RIMBP2: variants seen among roughly 807,000 people sequenced by gnomAD.
RIMBP2 encodes RIMS-binding protein 2.
Under a neutral mutation model 118.6 loss-of-function variants are expected in RIMBP2, and 48 were observed. The observed-to-expected ratio is 0.40, with a 90% CI of 0.32 to 0.51. The LOEUF (loss-of-function observed/expected upper bound fraction) is 0.51, where lower values mean the gene tolerates loss of function less well. RIMBP2 is among the 20% of genes least tolerant of loss of function. The pLI, the probability that RIMBP2 is intolerant of heterozygous loss-of-function variation, is 0.41. For synonymous variants in RIMBP2, 762 were observed against 742.9 expected, an observed-to-expected ratio of 1.03 and a Z score of -0.42; for missense variants, 1,551 against 1,768.3, an observed-to-expected ratio of 0.88 and a Z score of 2.20.
intron 5 of RIMBP2, among the ~76,000 whole-genome samples, chr12:130,476,761 G>A (rs1332440959): frequency 1.3e-5 from 2 of 152,190 alleles, no homozygotes; most frequent in African/African-American, 2.4e-5. Context: ...GGGCTTACTC[G>A]CTTTTTCACT....
chr12:130,453,244 C>T (rs2079145456), intron 7 of RIMBP2, among the ~76,000 whole-genome samples: 1 of 152,226 alleles, frequency 6.6e-6, no homozygotes, highest in South Asian at 2.1e-4. Context: ...ATACTGACTG[C>T]AGCGCCTCAC....
intron 4 of RIMBP2, among the ~76,000 whole-genome samples, chr12:130,491,943 A>T (rs1194120423): frequency 2.0e-5 from 3 of 152,240 alleles, no homozygotes; most frequent in Admixed American, 6.5e-5. Context: ...CCGCTATCCC[A>T]GGGAAAAGCT....
intron 1 of RIMBP2, among the ~76,000 whole-genome samples, chr12:130,701,687 C>T (rs1881062): frequency 0.29 from 43,880 of 151,890 alleles, 7,226 homozygotes; most frequent in African/African-American, 0.43. Context: ...GGACACAAAT[C>T]GCTCCTGCTT....
At chr12:130,704,844 C>G (rs1329375508) in intron 1 of RIMBP2, among the ~76,000 whole-genome samples, 1 of 152,184 alleles carries the variant, frequency 6.6e-6, no homozygotes, top group Non-Finnish European at 1.5e-5. Flanking sequence ...TCGCTGCTCT[C>G]TAGCTATGTG....
intron 1 of RIMBP2, among the ~76,000 whole-genome samples, chr12:130,638,423 G>A (rs2062447428): frequency 1.3e-5 from 2 of 152,206 alleles, no homozygotes; most frequent in East Asian, 1.9e-4. Flanking sequence ...GGGTCCCGAA[G>A]CCCCGAGCTG....
intron 3 of RIMBP2, among the ~76,000 whole-genome samples, chr12:130,508,306 GA>G (rs1267489296): frequency 6.6e-6 from 1 of 151,760 alleles, no homozygotes; most frequent in African/African-American, 2.4e-5. Context: ...CTCCCTGCTT[GA>G]AACCTTCTGT....
chr12:130,508,579 G>A (rs974031317), intron 3 of RIMBP2, among the ~76,000 whole-genome samples: 16 of 151,766 alleles, frequency 1.1e-4, no homozygotes, highest in Non-Finnish European at 1.9e-4. Flanking sequence ...ACCCTTGCAA[G>A]GTGACGAAAC....
intron 6 of RIMBP2, among the ~76,000 whole-genome samples, chr12:130,458,400 C>A (rs995092766): frequency 3.3e-5 from 5 of 152,250 alleles, no homozygotes; most frequent in African/African-American, 7.2e-5. Context: ...ACAGCTCCGA[C>A]CCCAAATGTG....
At chr12:130,602,890 G>A (rs546454288) in intron 2 of RIMBP2, among the ~76,000 whole-genome samples, 28 of 152,272 alleles carry the variant, frequency 1.8e-4, no homozygotes, top group Non-Finnish European at 2.8e-4. Context: ...AATTCACCCT[G>A]CAAGGGGTCT....
intron 4 of RIMBP2, among the ~76,000 whole-genome samples, chr12:130,506,267 G>A (rs1350393507): frequency 1.3e-5 from 2 of 152,038 alleles, no homozygotes; most frequent in African/African-American, 2.4e-5. Flanking sequence ...TATAACAAAG[G>A]TCATTAAACG....
intron 4 of RIMBP2, among the ~76,000 whole-genome samples, chr12:130,488,055 G>A (rs1022009645): frequency 3.9e-5 from 6 of 152,190 alleles, no homozygotes; most frequent in African/African-American, 1.4e-4. Context: ...CATTTTCTAA[G>A]TGGAATTAAA....
chr12:130,530,459 C>T (rs567723725), intron 2 of RIMBP2, among the ~76,000 whole-genome samples: 3 of 150,984 alleles, frequency 2.0e-5, no homozygotes, highest in African/African-American at 7.3e-5. Flanking sequence ...AATATTTATA[C>T]AATAAGGCAG....
chr12:130,700,676 C>T (rs532248990), intron 1 of RIMBP2, among the ~76,000 whole-genome samples: 16 of 152,352 alleles, frequency 1.1e-4, no homozygotes, highest in African/African-American at 3.1e-4. Flanking sequence ...GCCCTGCCAG[C>T]GCCTGGATCT....
At chr12:130,526,339 T>C (rs1260428253) in intron 2 of RIMBP2, among the ~76,000 whole-genome samples, 1 of 152,100 alleles carries the variant, frequency 6.6e-6, no homozygotes, top group Non-Finnish European at 1.5e-5. Context: ...TGAAAGACAA[T>C]GAAAGGTAAC....
chr12:130,471,424 A>T (rs2080993668), intron 5 of RIMBP2, among the ~76,000 whole-genome samples: 1 of 152,244 alleles, frequency 6.6e-6, no homozygotes, highest in African/African-American at 2.4e-5. Flanking sequence ...AAGTCCCAGC[A>T]TCATCATGAT....
At chr12:130,456,180 C>T (rs11060899) in intron 7 of RIMBP2, among the ~76,000 whole-genome samples, 48,251 of 152,118 alleles carry the variant, frequency 0.32, 7,972 homozygotes, top group Non-Finnish European at 0.34. Context: ...CTCCTGGGTT[C>T]AAATCCCAGA....
chr12:130,502,997 G>A (rs2049947130), intron 4 of RIMBP2, among the ~76,000 whole-genome samples: 1 of 152,124 alleles, frequency 6.6e-6, no homozygotes, highest in African/African-American at 2.4e-5. Flanking sequence ...CACCCCACTT[G>A]GTTCAGACTC....
In RIMBP2 at chr12:130,424,777, A is replaced by G. The variant is rs2076667409; in HGVS notation, c.2494T>C (p.Phe832Leu). 2 of 1,232,768 alleles carry G rather than the reference A, an allele frequency of 1.6e-6. No individual in the cohort carries two copies. Among genetic ancestry groups the G allele is most frequent in the East Asian group, 6.3e-5 (2 of 31,696 alleles). The allele number at this position is 1,232,768 out of a possible 1,614,324, so 76.4% of individuals were successfully genotyped here. The change falls in exon 16 of 23, where the codon TTC becomes CTC. Residue 832 changes from phenylalanine (F) to leucine (L), a missense_variant. Around this residue, in one of 5 missense-constraint regions of RIMBP2, gnomAD observed 1,038 missense variants for 1,125.1 expected, o/e 0.92. Coordinates refer to ENST00000690449, the MANE Select transcript of RIMBP2 (RefSeq NM_001393629.1). The surrounding 1 kb of genome is among the most constrained non-coding windows in gnomAD (Gnocchi z 9.8). ...TCTTCCGCTACTTCGGGGATACTGA[A>G]AAGTCTCTTCCTGTGGGGCTGGTGG... Reference protein sequence around the residue: ...FPHQPHRKRLFSIPEVAEEDG... With the variant: ...FPHQPHRKRLLSIPEVAEEDG...
At chr12:130,669,870 C>A (rs1322901959) in intron 1 of RIMBP2, among the ~76,000 whole-genome samples, 2 of 152,110 alleles carry the variant, frequency 1.3e-5, no homozygotes, top group African/African-American at 4.8e-5. Flanking sequence ...TTCAAGTGTC[C>A]GTACTTGGGA....
Sources: allele counts gnomAD v4.1 joint callset (sites outside exome capture counted in the v4.1 genomes callset), GRCh38; gene constraint gnomAD v4.1.1; regional missense constraint gnomAD v4.1.1; non-coding constraint Gnocchi (gnomAD v3.1); transcripts MANE v1.5; gene names NCBI Gene and HGNC (gene_info 2026-07-23, HGNC 2026-07-21).